The following ARHGAP15 variants were observed in gnomAD, a reference collection of about 807,000 sequenced individuals.
ARHGAP15 encodes the protein rho GTPase-activating protein 15.
In ARHGAP15, 51 loss-of-function variants were observed where a neutral mutation model predicts 63.7. The observed-to-expected ratio is 0.80, with a 90% CI of 0.64 to 1.01. The LOEUF (loss-of-function observed/expected upper bound fraction) is 1.01, where lower values mean the gene tolerates loss of function less well. ARHGAP15 is among the 50% of genes least tolerant of loss of function. The pLI is 0.00. For synonymous variants in ARHGAP15, 191 were observed against 193.8 expected (o/e 0.99, Z 0.12); for missense variants, 560 against 564.6 (o/e 0.99, Z 0.08).
chr2:143,475,731 C>A (rs1425914083), intron 8 of ARHGAP15, among the ~76,000 whole-genome samples: 1 of 152,230 alleles, frequency 6.6e-6, no homozygotes, highest in African/African-American at 2.4e-5. Context: ...AGCAGCCATC[C>A]TCCTGGGCCA....
intron 9 of ARHGAP15, chr2:143,519,059 T>G (rs1052599144): frequency 3.2e-5 from 13 of 410,380 alleles, no homozygotes; most frequent in African/African-American, 2.5e-4. Flanking sequence ...TGAGCGTCAG[T>G]TTTCTCACTC....
intron 6 of ARHGAP15, among the ~76,000 whole-genome samples, chr2:143,255,901 T>A (rs1377352985): frequency 6.6e-6 from 1 of 152,144 alleles, no homozygotes; most frequent in Non-Finnish European, 1.5e-5. Context: ...ACACAGTTGT[T>A]TTTTGCCCTA....
intron 13 of ARHGAP15, among the ~76,000 whole-genome samples, chr2:143,749,283 G>A (rs1346453386): frequency 3.9e-5 from 6 of 152,168 alleles, no homozygotes; most frequent in Non-Finnish European, 7.3e-5. Flanking sequence ...TTGTCTTTTT[G>A]CAAGTAAGGA....
At chr2:143,378,335 T>G (rs1045255899) in intron 6 of ARHGAP15, among the ~76,000 whole-genome samples, 2 of 152,032 alleles carry the variant, frequency 1.3e-5, no homozygotes, top group Non-Finnish European at 2.9e-5. Flanking sequence ...TCTAAAACTT[T>G]AAGAAATAAA....
chr2:143,286,979 T>C (rs1011962851), intron 6 of ARHGAP15, among the ~76,000 whole-genome samples: 1 of 152,178 alleles, frequency 6.6e-6, no homozygotes, highest in African/African-American at 2.4e-5. Context: ...ATGTGGCACA[T>C]GGCTATATAT....
chr2:143,456,218 T>A (rs184109019), intron 8 of ARHGAP15, among the ~76,000 whole-genome samples: 1 of 152,176 alleles, frequency 6.6e-6, no homozygotes, highest in East Asian at 1.9e-4. Context: ...GTATAGTAAG[T>A]TTTCATTAAA....
chr2:143,187,641 G>C (rs918968335), intron 2 of ARHGAP15, among the ~76,000 whole-genome samples: 8 of 152,222 alleles, frequency 5.3e-5, no homozygotes, highest in African/African-American at 1.9e-4. Context: ...AAGATGAGAG[G>C]TGCATGCAGT....
chr2:143,746,063 C>T (rs1686151805), intron 13 of ARHGAP15, among the ~76,000 whole-genome samples: 1 of 152,172 alleles, frequency 6.6e-6, no homozygotes, highest in Admixed American at 6.5e-5. Flanking sequence ...TCACGAATTT[C>T]CACACAATTC....
chr2:143,623,021 C>T (rs1471485528), intron 11 of ARHGAP15, among the ~76,000 whole-genome samples: 1 of 152,128 alleles, frequency 6.6e-6, no homozygotes, highest in Non-Finnish European at 1.5e-5. Context: ...GACCAAATAC[C>T]TCGGCGCTTG....
intron 6 of ARHGAP15, among the ~76,000 whole-genome samples, chr2:143,347,312 C>T (rs1426692792): frequency 6.6e-6 from 1 of 152,154 alleles, no homozygotes; most frequent in African/African-American, 2.4e-5. Context: ...AGTATTCAGG[C>T]CATCAACGTG....
At chr2:143,289,537 G>A (rs2105112182) in intron 6 of ARHGAP15, among the ~76,000 whole-genome samples, 1 of 152,282 alleles carries the variant, frequency 6.6e-6, no homozygotes, top group South Asian at 2.1e-4. Context: ...AGACACGATA[G>A]CAGTTTACAG....
chr2:143,576,035 G>A (rs1213800940), intron 11 of ARHGAP15, among the ~76,000 whole-genome samples: 2 of 152,010 alleles, frequency 1.3e-5, no homozygotes, highest in East Asian at 1.9e-4. Flanking sequence ...CGGAGGAGGT[G>A]GAACACAAAC....
At chr2:143,455,644 T>G (rs897882278) in intron 8 of ARHGAP15, among the ~76,000 whole-genome samples, 1 of 152,148 alleles carries the variant, frequency 6.6e-6, no homozygotes, top group African/African-American at 2.4e-5. Context: ...GATGAAATAC[T>G]GTTAAAATAT....
At chr2:143,540,727 A>C (rs984538878) in intron 10 of ARHGAP15, among the ~76,000 whole-genome samples, 3 of 152,052 alleles carry the variant, frequency 2.0e-5, no homozygotes, top group African/African-American at 4.8e-5. Flanking sequence ...TGGCTTGTAG[A>C]GTTTCTGCTG....
chr2:143,534,658 C>G (rs928479306), intron 10 of ARHGAP15, among the ~76,000 whole-genome samples: 1 of 152,058 alleles, frequency 6.6e-6, no homozygotes, highest in African/African-American at 2.4e-5. Context: ...GTGGGCAGAT[C>G]TCTTGAGCTG....
At chr2:143,149,123 C>G (rs1307070585) in intron 1 of ARHGAP15, among the ~76,000 whole-genome samples, 1 of 152,016 alleles carries the variant, frequency 6.6e-6, no homozygotes, top group Admixed American at 6.6e-5. Flanking sequence ...TACTATTTAT[C>G]TGTGGAGTTG....
chr2:143,247,235 G>A (rs1694074144), intron 5 of ARHGAP15: 2 of 152,378 alleles, frequency 1.3e-5, no homozygotes, highest in Non-Finnish European at 1.5e-5. Flanking sequence ...AGGTCCTTAA[G>A]GGGAGGGCTT....
intron 1 of ARHGAP15, among the ~76,000 whole-genome samples, chr2:143,130,796 G>A (rs1032060366): frequency 1.3e-5 from 2 of 152,106 alleles, no homozygotes; most frequent in Non-Finnish European, 2.9e-5. Flanking sequence ...CTTTGATATT[G>A]TGATTAGATT....
chr2:143,523,909 A>T (rs1330435388), intron 10 of ARHGAP15, among the ~76,000 whole-genome samples: 1 of 152,156 alleles, frequency 6.6e-6, no homozygotes. Flanking sequence ...TATGCTTTTG[A>T]CCACAATTTT....
Sources: gnomAD v4.1 joint callset for allele counts (sites outside exome capture counted in the v4.1 genomes callset) on GRCh38, gnomAD v4.1.1 for gene constraint, MANE v1.5 for transcripts, NCBI Gene and HGNC (gene_info 2026-07-23, HGNC 2026-07-21) for gene names.